Variants in NAPB observed in about 807,000 individuals in gnomAD.
The protein encoded by NAPB is NSF attachment protein beta.
A neutral mutation model predicts 44.7 loss-of-function variants in NAPB; 26 were observed. The ratio of observed to expected loss-of-function variants is 0.58; its 90% CI spans 0.43 to 0.81. The LOEUF is 0.81. Ranked by LOEUF, NAPB falls within the 30% of genes least tolerant of loss-of-function variation. The pLI is 0.00. For missense variants in NAPB, 315 were observed against 356.4 expected (o/e 0.88, Z 0.94); for synonymous variants, 120 against 116.8 (o/e 1.03, Z -0.18).
chr20:23,419,658 G>A (rs1986249609), intron 1 of NAPB, among the ~76,000 whole-genome samples: 1 of 152,190 alleles, frequency 6.6e-6, no homozygotes, highest in Admixed American at 6.5e-5. Flanking sequence ...ACATTTAAAA[G>A]GAGTTAGTGT....
At chr20:23,400,025 C>T (rs1984709807) in intron 2 of NAPB, among the ~76,000 whole-genome samples, 1 of 152,154 alleles carries the variant, frequency 6.6e-6, no homozygotes, top group African/African-American at 2.4e-5. Context: ...GTCTCAGAAT[C>T]AGTCATGGGC....
chr20:23,411,854 T>C (rs6048789), intron 1 of NAPB, among the ~76,000 whole-genome samples: 12,070 of 152,098 alleles, frequency 0.079, 1,114 homozygotes, highest in African/African-American at 0.22. Context: ...CAAATAGCAA[T>C]GAAAATATAA....
At chr20:23,391,269 C>T (rs1983938103) in intron 5 of NAPB, among the ~76,000 whole-genome samples, 1 of 152,138 alleles carries the variant, frequency 6.6e-6, no homozygotes, top group African/African-American at 2.4e-5. Context: ...TGAGATCGCG[C>T]CATTGCACTC....
chr20:23,409,674 TC>T (rs1833278665), intron 1 of NAPB, among the ~76,000 whole-genome samples: 1 of 152,158 alleles, frequency 6.6e-6, no homozygotes, highest in Non-Finnish European at 1.5e-5. Context: ...GACATGTGAT[TC>T]CCAAAAAATC....
intron 7 of NAPB, among the ~76,000 whole-genome samples, chr20:23,387,654 T>A (rs1466608706): frequency 6.6e-6 from 1 of 151,718 alleles, no homozygotes; most frequent in Non-Finnish European, 1.5e-5. Flanking sequence ...AAAAAAAAAA[T>A]AAAATACTTT....
At chr20:23,415,664 A>T (rs1985954185) in intron 1 of NAPB, among the ~76,000 whole-genome samples, 1 of 152,160 alleles carries the variant, frequency 6.6e-6, no homozygotes, top group African/African-American at 2.4e-5. Context: ...CATAATAAGC[A>T]AATATTTAAA....
intron 7 of NAPB, among the ~76,000 whole-genome samples, chr20:23,389,222 AC>A (rs1983754656): frequency 7.2e-6 from 1 of 139,838 alleles, no homozygotes; most frequent in Middle Eastern, 3.6e-3. Flanking sequence ...CATTAGGGTG[AC>A]TATTATTTAA....
At position 23,403,062 on chromosome 20, in the gene NAPB, T is replaced by C. The variant is rs372494752; in HGVS notation, c.109A>G (p.Arg37Gly). ...FLRGLFGGNT[R>G]IEEACEMYTR... The stretch of plus-strand genomic sequence containing the variant: ...TACATTTCACAAGCCTCTTCTATTC[T>C]TGTGTTTCCTCTGAGAAAAAGTTAA... Residue 37 changes from arginine to glycine, a missense_variant, in exon 2 of 11, where the codon AGA (arginine) becomes GGA (glycine). Arg to Gly is a moderately radical substitution (Grantham distance 125). Transcript: ENST00000377026. 6.2e-7 allele frequency: 1 copy of C among 1,612,252 alleles called. No homozygotes were observed. Among genetic ancestry groups the C allele is most frequent in the African/African-American group, 1.3e-5 (1 of 74,844 alleles).
chr20:23,387,173 A>C (rs1185104149), intron 7 of NAPB, among the ~76,000 whole-genome samples: 7 of 152,226 alleles, frequency 4.6e-5, no homozygotes, highest in Admixed American at 2.6e-4. Context: ...ATGCCTGACA[A>C]AATCCAATAC....
chr20:23,381,331 G>C lies in NAPB; in HGVS notation c.562-14C>G, dbSNP rs758562212. 6.6e-7 allele frequency: 1 copy of C among 1,506,284 alleles called. No individual in the cohort carries two copies. Among genetic ancestry groups the C allele is most frequent in the Admixed American group, 2.1e-5 (1 of 46,610 alleles). 93.3% of individuals were successfully genotyped at this position (1,506,284 alleles called of 1,614,324 possible). A position where few individuals can be genotyped will look rare whatever the true frequency, so the allele number is the denominator to read the frequency against. ...GTTTGCCCCAACCTAGGCACAGAACGCAGAGTTAAATTTAAAAGATTTACC... is the reference window on the plus strand; with the variant it reads ...GTTTGCCCCAACCTAGGCACAGAACCCAGAGTTAAATTTAAAAGATTTACC... On this transcript the variant is annotated splice_polypyrimidine_tract_variant and intron_variant, in intron 7 of 10. Transcript: ENST00000377026.
chr20:23,375,785 T>G lies in NAPB; in HGVS notation c.*1591A>C, dbSNP rs1295974944. On this transcript the variant is annotated 3_prime_UTR_variant, in exon 11 of 11. Transcript: ENST00000377026. ...GATGCTCTGACATCACAGAGCTTCC[T>G]GCTCTACCAGCCCACCTCATGCATG... The G allele has an allele frequency of 2.0e-5, 3 of 152,352 alleles. No individual in the cohort carries two copies. Among genetic ancestry groups the G allele is most frequent in the Non-Finnish European group, 4.4e-5 (3 of 68,160 alleles). 9.4% of individuals were successfully genotyped at this position (152,352 alleles called of 1,614,324 possible).
At chr20:23,417,268 G>A (rs776268758) in intron 1 of NAPB, among the ~76,000 whole-genome samples, 2 of 152,088 alleles carry the variant, frequency 1.3e-5, no homozygotes, top group Non-Finnish European at 2.9e-5. Flanking sequence ...ATTTTTAGTA[G>A]AGACGGGGTT....
chr20:23,383,552 A>G (rs944597227), intron 7 of NAPB, among the ~76,000 whole-genome samples: 1 of 152,240 alleles, frequency 6.6e-6, no homozygotes, highest in Non-Finnish European at 1.5e-5. Flanking sequence ...CATTTTTGAA[A>G]CTAAAGGAAA....
intron 1 of NAPB, 138 bp downstream of exon 1, chr20:23,421,167 C>T (rs1386926935): frequency 3.1e-6 from 2 of 637,730 alleles, no homozygotes; most frequent in Non-Finnish European, 5.1e-6. Flanking sequence ...TTCTGGAGGG[C>T]GCCTGCAGGC....
intron 7 of NAPB, among the ~76,000 whole-genome samples, chr20:23,384,751 A>G (rs1401375036): frequency 1.3e-5 from 2 of 152,234 alleles, no homozygotes; most frequent in Admixed American, 1.3e-4. Flanking sequence ...AAGCCCTAAC[A>G]TATAAATAAC....
chr20:23,413,979 G>A (rs776768633), intron 1 of NAPB, among the ~76,000 whole-genome samples: 71 of 151,790 alleles, frequency 4.7e-4, no homozygotes, highest in Admixed American at 5.2e-4. Flanking sequence ...ATAAAGTAAA[G>A]CTATATACAA....
At chr20:23,397,276 T>C in intron 2 of NAPB, 88 bp from the exon 3 acceptor site, 1 of 1,416,618 alleles carries the variant, frequency 7.1e-7, no homozygotes, top group Non-Finnish European at 9.4e-7. Context: ...CTAGAAAAAT[T>C]ATATTCCACT....
rs112722384 is a variant in NAPB at position 23,383,570 on chromosome 20, T to C, written c.562-2253A>G. On this transcript the variant is annotated intron_variant, in intron 7 of 10. Transcript: ENST00000377026. Reference sequence around the variant, plus strand: ...TTTTGAAACTAAAGGAAAAGAACAATCAACTTAGAATTATACTCCCAGGAA... The same window carrying C: ...TTTTGAAACTAAAGGAAAAGAACAACCAACTTAGAATTATACTCCCAGGAA... 6.4e-3 allele frequency among the ~76,000 whole-genome samples: 975 copies of C among 152,116 alleles called. 10 individuals carry two copies. Among genetic ancestry groups the C allele is most frequent in the African/African-American group, 0.022 (898 of 41,474 alleles).
At chr20:23,421,076 G>A (rs1986385121) in intron 1 of NAPB, among the ~76,000 whole-genome samples, 1 of 151,704 alleles carries the variant, frequency 6.6e-6, no homozygotes, top group Admixed American at 6.6e-5. Flanking sequence ...GGGGCCTGTG[G>A]GGTCTCTGGA....
Sources: allele counts gnomAD v4.1 joint callset (sites outside exome capture counted in the v4.1 genomes callset), GRCh38; gene constraint gnomAD v4.1.1; transcripts MANE v1.5; gene names NCBI Gene and HGNC (gene_info 2026-07-23, HGNC 2026-07-21).